The following GREB1L variants were observed in gnomAD, a reference collection of about 807,000 sequenced individuals.
GREB1L encodes GREB1 like retinoic acid receptor coactivator.
A neutral mutation model predicts 200.8 loss-of-function variants in GREB1L; 17 were observed. The observed-to-expected ratio is 0.08, with a 90% confidence interval of 0.06 to 0.13. The LOEUF is 0.13. GREB1L is among the 10% of genes least tolerant of loss of function. The probability of loss-of-function intolerance (pLI) is 1.00; values close to 1 mark genes in which losing one functional copy is unlikely to be tolerated. For synonymous variants in GREB1L, 789 were observed against 893.0 expected (o/e 0.88, Z 2.08); for missense variants, 1,657 against 2,367.7 (o/e 0.70, Z 6.23).
chr18:21,397,161 G>T lies in GREB1L; in HGVS notation c.532+1600G>T, dbSNP rs183394330. On this transcript the variant is annotated intron_variant, in intron 5 of 32. Transcript: ENST00000424526. ...AGACTTTTTATGGTTCATAGGAAAAGAAATGGTAATTTTCATTTTTTATAA... is the reference window on the plus strand; with the variant it reads ...AGACTTTTTATGGTTCATAGGAAAATAAATGGTAATTTTCATTTTTTATAA... Among the ~76,000 whole-genome samples the T allele has an allele frequency of 4.9e-4, 74 of 152,124 alleles. No individual in the cohort carries two copies. In the East Asian group the frequency reaches 9.3e-3, roughly 19 times the overall value.
intron 1 of GREB1L, among the ~76,000 whole-genome samples, chr18:21,288,095 G>A (rs193299837): frequency 2.0e-5 from 3 of 152,056 alleles, no homozygotes; most frequent in African/African-American, 4.8e-5. Context: ...GAGCCACAGC[G>A]CCTGGCTTAA....
chr18:21,390,214 T>C (rs1042815497), intron 4 of GREB1L, among the ~76,000 whole-genome samples: 2 of 152,192 alleles, frequency 1.3e-5, no homozygotes, highest in African/African-American at 4.8e-5. Context: ...CACCACATGA[T>C]ACTAGGTAAT....
At chr18:21,263,464 C>G (rs1047720682) in intron 1 of GREB1L, among the ~76,000 whole-genome samples, 23 of 152,134 alleles carry the variant, frequency 1.5e-4, no homozygotes, top group Admixed American at 1.5e-3. Context: ...ATCTCCTTGT[C>G]TTTAGTTTCC....
intron 1 of GREB1L, among the ~76,000 whole-genome samples, chr18:21,323,004 G>T (rs770426816): frequency 1.3e-5 from 2 of 152,014 alleles, no homozygotes; most frequent in South Asian, 2.1e-4. Flanking sequence ...AATTGTATTG[G>T]CTGGGCACAG....
At chr18:21,454,199 A>G (rs898641226) in intron 14 of GREB1L, among the ~76,000 whole-genome samples, 167 bp from the exon 15 acceptor site, 1 of 152,224 alleles carries the variant, frequency 6.6e-6, no homozygotes, top group Non-Finnish European at 1.5e-5. Context: ...TTCAGGGAAA[A>G]TAGGCAAATC....
At chr18:21,260,637 T>G (rs1388713416) in intron 1 of GREB1L, among the ~76,000 whole-genome samples, 1 of 151,904 alleles carries the variant, frequency 6.6e-6, no homozygotes, top group Non-Finnish European at 1.5e-5. Flanking sequence ...TACTTTTCCC[T>G]TAACTCTTAT....
At chr18:21,404,135 A>T (rs2041430076) in intron 7 of GREB1L, 141 bp downstream of exon 7, 1 of 778,062 alleles carries the variant, frequency 1.3e-6, no homozygotes, top group Admixed American at 2.8e-5. Context: ...TAGAGTTAGA[A>T]TTCAGCCTTG....
At chr18:21,245,831 C>T (rs559995887) in intron 1 of GREB1L, among the ~76,000 whole-genome samples, 11 of 152,288 alleles carry the variant, frequency 7.2e-5, no homozygotes, top group African/African-American at 2.6e-4. Context: ...CATTCTCCTG[C>T]CTCAGCCTCC....
intron 6 of GREB1L, among the ~76,000 whole-genome samples, chr18:21,402,695 G>T (rs918265150): frequency 2.2e-4 from 34 of 151,806 alleles, no homozygotes; most frequent in African/African-American, 6.8e-4. Context: ...GCTAATTTTT[G>T]TATTTTTTGT....
intron 1 of GREB1L, among the ~76,000 whole-genome samples, chr18:21,358,705 G>A (rs1188589871): frequency 6.6e-6 from 1 of 152,198 alleles, no homozygotes; most frequent in African/African-American, 2.4e-5. Flanking sequence ...GGGAGTGGGG[G>A]TGAAAGATAA....
chr18:21,293,401 T>G (rs2038480201), intron 1 of GREB1L, among the ~76,000 whole-genome samples: 1 of 152,228 alleles, frequency 6.6e-6, no homozygotes, highest in Admixed American at 6.5e-5. Flanking sequence ...AACAATCATT[T>G]TATTTTATGT....
chr18:21,481,049 G>A (rs1281196535), intron 17 of GREB1L, among the ~76,000 whole-genome samples: 1 of 152,012 alleles, frequency 6.6e-6, no homozygotes, highest in Admixed American at 6.6e-5. Context: ...TGGTTTAGAG[G>A]AGAAAGCAAA....
intron 31 of GREB1L, among the ~76,000 whole-genome samples, 179 bp downstream of exon 31, chr18:21,518,413 T>G (rs1199604279): frequency 6.6e-6 from 1 of 152,238 alleles, no homozygotes; most frequent in East Asian, 1.9e-4. Flanking sequence ...TCTACCCTTT[T>G]GCATACTCAC....
At chr18:21,397,748 G>A (rs2041146021) in intron 5 of GREB1L, among the ~76,000 whole-genome samples, 1 of 152,076 alleles carries the variant, frequency 6.6e-6, no homozygotes, top group Non-Finnish European at 1.5e-5. Flanking sequence ...TTGAGCAGAT[G>A]GTTTAATATA....
chr18:21,284,261 A>G (rs961045891), intron 1 of GREB1L, among the ~76,000 whole-genome samples: 1 of 152,218 alleles, frequency 6.6e-6, no homozygotes, highest in Non-Finnish European at 1.5e-5. Flanking sequence ...TTGCACAACC[A>G]TGATCACGAT....
chr18:21,350,890 TC>T (rs1448787283), intron 1 of GREB1L, among the ~76,000 whole-genome samples: 1 of 152,148 alleles, frequency 6.6e-6, no homozygotes, highest in Non-Finnish European at 1.5e-5. Flanking sequence ...TCTGAGATCC[TC>T]TCCCTTCATA....
intron 5 of GREB1L, among the ~76,000 whole-genome samples, chr18:21,396,924 T>C (rs1453718483): frequency 1.3e-5 from 2 of 152,188 alleles, no homozygotes; most frequent in Non-Finnish European, 2.9e-5. Context: ...TGTCTTACTA[T>C]AGATGAAATC....
chr18:21,373,411 GCAACCTCCGCGT>G (rs1403604238), intron 2 of GREB1L, among the ~76,000 whole-genome samples: 1 of 152,000 alleles, frequency 6.6e-6, no homozygotes, highest in African/African-American at 2.4e-5. Flanking sequence ...TCAGCTCACT[GCAACCTCCGCGT>G]CCCAGGTTCA....
Position 21,278,385 on chromosome 18 carries a change from AAAAAAAAT to A in GREB1L, c.-120+35996_-120+36003del, listed in dbSNP as rs1342027028. Reference sequence around the variant, plus strand: ...ACAAGAGCAAGACTCCATCTCAAAAAAAAAAAATAAATAAATAAATAAATAAATAAATA... The same window carrying A: ...ACAAGAGCAAGACTCCATCTCAAAAAAAATAAATAAATAAATAAATAAATA... On this transcript the variant is annotated intron_variant, in intron 1 of 32. Transcript: ENST00000424526. 1.3e-3 allele frequency among the ~76,000 whole-genome samples: 168 copies of A among 127,414 alleles called. 2 individuals carry two copies. Among genetic ancestry groups the A allele is most frequent in the African/African-American group, 5.0e-3 (137 of 27,234 alleles). The allele number at this position is 127,414 out of a possible 152,430, so 83.6% of individuals were successfully genotyped here.
Sources: allele counts gnomAD v4.1 joint callset (sites outside exome capture counted in the v4.1 genomes callset), GRCh38; gene constraint gnomAD v4.1.1; transcripts MANE v1.5; gene names NCBI Gene and HGNC (gene_info 2026-07-23, HGNC 2026-07-21).